Variants in CLIC3 observed in about 807,000 individuals in gnomAD.
CLIC3 encodes chloride intracellular channel protein 3.
In CLIC3, 29 loss-of-function variants were observed where a neutral mutation model predicts 19.9. The observed-to-expected ratio is 1.46, with a 90% confidence interval of 1.09 to 1.99. The LOEUF is 1.99. Ranked by LOEUF, CLIC3 falls within the 30% of genes most tolerant of loss-of-function variation. CLIC3 has a pLI of 0.00. For synonymous variants in CLIC3, 143 were observed against 156.4 expected (o/e 0.91, Z 0.64); for missense variants, 365 against 342.6 (o/e 1.07, Z -0.52).
chr9:136,994,617 A>C lies in CLIC3; in HGVS notation c.*64T>G. ...GATCCCGAGACCTCTGGCCCTTCAGATGTCAGGACACCCTCACTCCCGACA... is the reference window on the plus strand; with the variant it reads ...GATCCCGAGACCTCTGGCCCTTCAGCTGTCAGGACACCCTCACTCCCGACA... On this transcript the variant is annotated 3_prime_UTR_variant, in exon 6 of 6. Transcript: ENST00000494426. The C allele has an allele frequency of 6.6e-7, 1 of 1,525,736 alleles. No homozygotes were observed. Among genetic ancestry groups the C allele is most frequent in the South Asian group, 1.2e-5 (1 of 82,554 alleles). The allele number at this position is 1,525,736 out of a possible 1,614,324, so 94.5% of individuals were successfully genotyped here.
rs777261805 is a variant in CLIC3 at position 136,995,498 on chromosome 9, G to C, written c.213C>G (p.Ala71=). ...CCTCGATCTGCAGCGTGTCTGTCTTGGCGTCGCTGTCATAGAGCAGGATGG... is the reference window on the plus strand; with the variant it reads ...CCTCGATCTGCAGCGTGTCTGTCTTCGCGTCGCTGTCATAGAGCAGGATGG... ...QLPILLYDSD[A]KTDTLQIEDF... The change falls in exon 3 of 6, where the codon GCC becomes GCG. Residue 71 remains alanine (A), a synonymous_variant. Transcript: ENST00000494426. 2.5e-6 allele frequency: 4 copies of C among 1,612,636 alleles called. No homozygotes were observed. Among genetic ancestry groups the C allele is most frequent in the Non-Finnish European group, 3.4e-6 (4 of 1,179,882 alleles).
chr9:136,995,044 C>T lies in CLIC3; in HGVS notation c.438G>A (p.Leu146=). Residue 146 remains leucine (L), a synonymous_variant, in exon 5 of 6, where the codon CTG becomes CTA. Transcript: ENST00000494426. ...GCGGCTCCCCCGCCAGCTCGTGCTC[C>T]AGGGGCGCGCGCAGGTAGCTGTCCA... The part of the protein sequence containing the change: ...ARLDSYLRAP[L]EHELAGEPQL... The T allele has an allele frequency of 2.6e-6, 4 of 1,516,102 alleles. No homozygotes were observed. Among genetic ancestry groups the T allele is most frequent in the Non-Finnish European group, 3.5e-6 (4 of 1,134,792 alleles). The allele number at this position is 1,516,102 out of a possible 1,614,324, so 93.9% of individuals were successfully genotyped here.
chr9:136,995,306 G>A lies in CLIC3; in HGVS notation c.270-14C>T. 5 of 1,610,614 alleles carry A rather than the reference G, an allele frequency of 3.1e-6. No homozygotes were observed. The South Asian group carries it at 3.3e-5, about 11-fold the overall frequency. The stretch of plus-strand genomic sequence containing the variant: ...AGGCTGGGGAAGCTGCGGGATGAGG[G>A]GGTGGGACTCCATTAGACTGGGGGC... On this transcript the variant is annotated splice_polypyrimidine_tract_variant and intron_variant, in intron 3 of 5. Coordinates refer to ENST00000494426, the MANE Select transcript of CLIC3 (RefSeq NM_004669.3).
intron 1 of CLIC3, 25 bp downstream of exon 1, chr9:136,996,486 C>T (rs1360061572): frequency 3.9e-6 from 6 of 1,551,536 alleles, no homozygotes; most frequent in Non-Finnish European, 5.2e-6. Context: ...CAGACACCCT[C>T]CCCGCAGCTG....
chr9:136,995,745 C>A lies in CLIC3; in HGVS notation c.46G>T (p.Gly16Trp), dbSNP rs544773888. 5.8e-6 allele frequency: 9 copies of A among 1,564,280 alleles called. No homozygotes were observed. In the South Asian group the frequency reaches 9.3e-5, roughly 16 times the overall value. ...LQLFVKASED[G>W]ESVGHCPSCQ... ...GAGGGGCAGTGACCCACGCTCTCCC[C>A]GTCCTCACTCGCCTGGGTGGGTGGA... Residue 16 changes from glycine to tryptophan, a missense_variant, in exon 2 of 6, where the codon GGG becomes TGG. Gly to Trp is a radical substitution (Grantham distance 184, BLOSUM62 -2). Coordinates refer to ENST00000494426, the MANE Select transcript of CLIC3 (RefSeq NM_004669.3).
At position 136,995,212 on chromosome 9, in the gene CLIC3, TTGA is replaced by T. The variant is rs1209566557; in HGVS notation, c.347_349del (p.Ile116del). On this transcript the variant is annotated inframe_deletion, in exon 4 of 6. Transcript: ENST00000494426. ...TTCGTCCTGCGCGGGCACCGGGTTC[TTGA>T]TGAACGCGGAGAACTTGTGGAAAAC... The T allele has an allele frequency of 6.2e-7, 1 of 1,612,782 alleles. No homozygotes were observed. The highest frequency in any genetic ancestry group is 2.2e-5 in the East Asian group (1 of 44,870).
At chr9:136,996,427 C>T (rs1830704575) in intron 1 of CLIC3, 84 bp downstream of exon 1, 2 of 1,296,212 alleles carry the variant, frequency 1.5e-6, no homozygotes, top group Non-Finnish European at 2.2e-6. Flanking sequence ...CTGGGAGGCC[C>T]ACCCCACAGC....
At position 136,994,814 on chromosome 9, in the gene CLIC3, G is replaced by T; in HGVS notation, c.578C>A (p.Ala193Glu). Residue 193 changes from alanine to glutamate, a missense_variant, in exon 6 of 6, where the codon GCG becomes GAG. Ala to Glu is a moderately radical substitution (Grantham distance 107). Transcript: ENST00000494426. ...GCCGCGCAGCTCCGCGGGGATGGGC[G>T]CCTGGCGGAAGTGCGCGCACACCGT... ...VDTVCAHFRQ[A>E]PIPAELRGVR... 1 of 1,582,356 alleles carries T rather than the reference G, an allele frequency of 6.3e-7. No homozygotes were observed. The highest frequency in any genetic ancestry group is 1.1e-5 in the South Asian group (1 of 87,404).
intron 1 of CLIC3, 47 bp from the exon 2 acceptor site, chr9:136,995,804 C>CAGG (rs1484520882): frequency 1.5e-6 from 2 of 1,301,644 alleles, no homozygotes; most frequent in Admixed American, 4.5e-5. Context: ...GAAGCAGACC[C>CAGG]AGGCATCCTG....
intron 1 of CLIC3, 142 bp downstream of exon 1, chr9:136,996,369 G>A: frequency 1.3e-6 from 1 of 749,238 alleles, no homozygotes; most frequent in African/African-American, 1.7e-5. Flanking sequence ...GCCTCTGTAG[G>A]GCTGCCTGAG....
At chr9:136,995,403 C>G (rs772471867) in intron 3 of CLIC3, 39 bp downstream of exon 3, 2 of 1,610,596 alleles carry the variant, frequency 1.2e-6, no homozygotes, top group Non-Finnish European at 1.7e-6. Context: ...CCTCCCTGGG[C>G]CCCCCTCTTT....
At position 136,994,911 on chromosome 9, in the gene CLIC3, G is replaced by T. The variant is rs1188853883; in HGVS notation, c.552+19C>A. ...GCGCGCCGCGGTCACCCTCCCGCCC[G>T]CCCACCTTCCGTGCTCACGTCGACG... On this transcript the variant is annotated intron_variant, in intron 5 of 5. Coordinates refer to ENST00000494426, the MANE Select transcript of CLIC3 (RefSeq NM_004669.3). 7.4e-6 allele frequency: 5 copies of T among 678,400 alleles called. No individual in the cohort carries two copies. The East Asian group carries it at 2.0e-4, about 27-fold the overall frequency. The allele number at this position is 678,400 out of a possible 1,614,324, so 42.0% of individuals were successfully genotyped here. A position where few individuals can be genotyped will look rare whatever the true frequency, so the allele number is the denominator to read the frequency against.
In CLIC3 at chr9:136,994,856, G is replaced by T. The variant is rs770420749; in HGVS notation, c.553-17C>A. ...GCACACCGTCTGCGGGCAGGATCGC[G>T]GGGCGCGGTCAGGACCTGCCGTCCC... is the stretch of plus-strand genomic sequence containing the variant. On this transcript the variant is annotated splice_polypyrimidine_tract_variant and intron_variant, in intron 5 of 5. Transcript: ENST00000494426. 2.0e-6 allele frequency: 3 copies of T among 1,530,970 alleles called. No individual in the cohort carries two copies. The highest frequency in any genetic ancestry group is 2.4e-5 in the South Asian group (2 of 83,158). The allele number at this position is 1,530,970 out of a possible 1,614,324, so 94.8% of individuals were successfully genotyped here.
At position 136,995,030 on chromosome 9, in the gene CLIC3, G is replaced by C; in HGVS notation, c.452C>G (p.Ala151Gly). Reference protein sequence around the residue: ...YLRAPLEHELAGEPQLRESRR... With the variant: ...YLRAPLEHELGGEPQLRESRR... The stretch of plus-strand genomic sequence containing the variant: ...GGACTCGCGCAGCTGCGGCTCCCCC[G>C]CCAGCTCGTGCTCCAGGGGCGCGCG... The change falls in exon 5 of 6, where the codon GCG becomes GGG. Residue 151 changes from alanine (A) to glycine (G), a missense_variant. Physicochemically the swap from Ala to Gly is moderately conservative, Grantham distance 60 (BLOSUM62 0). Coordinates refer to ENST00000494426, the MANE Select transcript of CLIC3 (RefSeq NM_004669.3). The C allele has an allele frequency of 1.3e-6, 2 of 1,508,520 alleles. No homozygotes were observed. The highest frequency in any genetic ancestry group is 1.8e-6 in the Non-Finnish European group (2 of 1,133,340). 93.4% of individuals were successfully genotyped at this position (1,508,520 alleles called of 1,614,324 possible). A position where few individuals can be genotyped will look rare whatever the true frequency, so the allele number is the denominator to read the frequency against.
chr9:136,996,488 C>T (rs1450674340), intron 1 of CLIC3, 23 bp downstream of exon 1: 2 of 1,552,422 alleles, frequency 1.3e-6, no homozygotes, highest in Non-Finnish European at 1.7e-6. Flanking sequence ...GACACCCTCC[C>T]CGCAGCTGAG....
intron 1 of CLIC3, 138 bp downstream of exon 1, chr9:136,996,373 G>T: frequency 3.9e-6 from 3 of 777,474 alleles, no homozygotes; most frequent in Admixed American, 2.4e-5. Flanking sequence ...CTGTAGGGCT[G>T]CCTGAGTCCC....
Position 136,994,679 on chromosome 9 carries a change from C to T in CLIC3, c.*2G>A, listed in dbSNP as rs967027447. On this transcript the variant is annotated 3_prime_UTR_variant, in exon 6 of 6. Coordinates refer to ENST00000494426, the MANE Select transcript of CLIC3 (RefSeq NM_004669.3). Reference sequence around the variant, plus strand: ...ATTGGGCGACAGACGCGGGGTGGGGCGCTAGCGGGGGTGCACGGCGGGCCG... The same window carrying T: ...ATTGGGCGACAGACGCGGGGTGGGGTGCTAGCGGGGGTGCACGGCGGGCCG... The T allele has an allele frequency of 3.1e-6, 5 of 1,605,404 alleles. No individual in the cohort carries two copies. The Admixed American group carries it at 5.1e-5, about 16-fold the overall frequency.
Position 136,994,710 on chromosome 9 carries a change from C to G in CLIC3, c.682G>C (p.Ala228Pro). The G allele has an allele frequency of 6.2e-7, 1 of 1,609,608 alleles. No homozygotes were observed. The highest frequency in any genetic ancestry group is 8.5e-7 in the Non-Finnish European group (1 of 1,178,670). The change falls in exon 6 of 6, where the codon GCC becomes CCC. Residue 228 changes from alanine to proline, a missense_variant. Physicochemically the swap from Ala to Pro is conservative, Grantham distance 27. Transcript: ENST00000494426. The part of the protein sequence containing the change: ...TCPHSAEILA[A>P]YRPAVHPR The stretch of plus-strand genomic sequence containing the variant: ...CGGGGGTGCACGGCGGGCCGGTAGG[C>G]CGCCAGGATCTCGGCGCTGTGCGGA...
At chr9:136,996,264 C>T (rs1306308206) in intron 1 of CLIC3, among the ~76,000 whole-genome samples, 1 of 152,164 alleles carries the variant, frequency 6.6e-6, no homozygotes, top group African/African-American at 2.4e-5. Context: ...GAGCTCTCCT[C>T]CAGAAGACTG....
Sources: gnomAD v4.1 joint callset for allele counts (sites outside exome capture counted in the v4.1 genomes callset) on GRCh38, gnomAD v4.1.1 for gene constraint, MANE v1.5 for transcripts, NCBI Gene and HGNC (gene_info 2026-07-23, HGNC 2026-07-21) for gene names.